The following CHKA variants were observed in gnomAD, a reference collection of about 807,000 sequenced individuals.
CHKA encodes the protein choline kinase alpha.
Under a neutral mutation model 60.1 loss-of-function variants are expected in CHKA, and 34 were observed. The observed-to-expected ratio is 0.57, with a 90% CI of 0.43 to 0.75. The LOEUF is 0.75. Among genes scored for constraint, CHKA ranks in the 30% least tolerant of loss-of-function variants. The pLI, the probability that CHKA is intolerant of heterozygous loss-of-function variation, is 0.00. For synonymous variants in CHKA, 217 were observed against 223.1 expected, an observed-to-expected ratio of 0.97 and a Z score of 0.24; for missense variants, 563 against 561.3, an observed-to-expected ratio of 1.00 and a Z score of -0.03.
intron 11 of CHKA, among the ~76,000 whole-genome samples, chr11:68,059,435 A>G (rs1856141475): frequency 6.6e-6 from 1 of 152,128 alleles, no homozygotes; most frequent in Non-Finnish European, 1.5e-5. Context: ...ATAATATATT[A>G]TCCTTTTACA....
At chr11:68,056,836 CCT>C (rs1017144997) in intron 11 of CHKA, among the ~76,000 whole-genome samples, 72 of 151,888 alleles carry the variant, frequency 4.7e-4, no homozygotes, top group African/African-American at 1.6e-3. Flanking sequence ...ACAGTGAGAC[CCT>C]GTCTTAAAAA....
At chr11:68,055,549 C>T (rs1482484618) in intron 11 of CHKA, among the ~76,000 whole-genome samples, 6 of 152,334 alleles carry the variant, frequency 3.9e-5, no homozygotes, top group Admixed American at 6.5e-5. Context: ...CCAGCAGCAG[C>T]GCATGCGCAT....
chr11:68,114,697 G>A (rs1454923499), intron 1 of CHKA, among the ~76,000 whole-genome samples: 2 of 148,168 alleles, frequency 1.3e-5, no homozygotes, highest in South Asian at 2.1e-4. Flanking sequence ...ACTCTGTCTC[G>A]GGAAAAAAAA....
intron 2 of CHKA, chr11:68,082,402 T>G (rs1857016212): frequency 6.6e-6 from 1 of 152,644 alleles, no homozygotes; most frequent in African/African-American, 2.4e-5. Context: ...TAAGTCTGCT[T>G]AAGCCAGACA....
chr11:68,087,503 A>G (rs1321840767), intron 2 of CHKA, among the ~76,000 whole-genome samples: 2 of 152,134 alleles, frequency 1.3e-5, no homozygotes, highest in African/African-American at 2.4e-5. Flanking sequence ...CAAAAAAATC[A>G]TAATATAGAA....
chr11:68,057,495 AT>A (rs926909551), intron 11 of CHKA, among the ~76,000 whole-genome samples: 11 of 151,756 alleles, frequency 7.2e-5, no homozygotes, highest in African/African-American at 2.7e-4. Context: ...AATTTTTTGT[AT>A]TTTTAGTAGA....
intron 1 of CHKA, among the ~76,000 whole-genome samples, chr11:68,101,670 GAAAA>G (rs1857731550): frequency 6.6e-6 from 1 of 150,594 alleles, no homozygotes; most frequent in African/African-American, 2.4e-5. Flanking sequence ...AAAAAGAAAA[GAAAA>G]AGAAAGAAAT....
intron 11 of CHKA, among the ~76,000 whole-genome samples, chr11:68,055,914 G>A (rs1855999103): frequency 6.6e-6 from 1 of 152,032 alleles, no homozygotes; most frequent in Non-Finnish European, 1.5e-5. Context: ...CAGGCATGGT[G>A]GTGGGCTCCT....
intron 3 of CHKA, among the ~76,000 whole-genome samples, chr11:68,079,012 A>C: frequency 6.7e-6 from 1 of 148,418 alleles, no homozygotes; most frequent in East Asian, 2.0e-4. Flanking sequence ...CGGCTCACTG[A>C]AGCCTCCGCC....
chr11:68,057,099 G>A (rs562417093), intron 11 of CHKA, among the ~76,000 whole-genome samples: 2 of 152,262 alleles, frequency 1.3e-5, no homozygotes, highest in South Asian at 4.1e-4. Flanking sequence ...CACCCATCTG[G>A]TGTCCACTCC....
intron 1 of CHKA, among the ~76,000 whole-genome samples, chr11:68,114,717 G>T (rs946716103): frequency 1.3e-5 from 2 of 150,724 alleles, no homozygotes; most frequent in Non-Finnish European, 3.0e-5. Flanking sequence ...AAAAAAAGAA[G>T]AAGAAAAGAC....
intron 1 of CHKA, among the ~76,000 whole-genome samples, chr11:68,113,072 A>C (rs1406733145): frequency 9.6e-6 from 1 of 104,440 alleles, no homozygotes; most frequent in Non-Finnish European, 1.9e-5. Flanking sequence ...ACAGAGCAAG[A>C]CTCCGTCTCA....
intron 1 of CHKA, among the ~76,000 whole-genome samples, chr11:68,116,223 C>A (rs945321761): frequency 1.3e-5 from 2 of 152,138 alleles, no homozygotes; most frequent in Non-Finnish European, 2.9e-5. Flanking sequence ...GTATCCTTCA[C>A]AAGATTTTAA....
intron 4 of CHKA, among the ~76,000 whole-genome samples, chr11:68,073,380 G>A (rs979822743): frequency 1.3e-4 from 20 of 152,050 alleles, no homozygotes; most frequent in Non-Finnish European, 1.0e-4. Flanking sequence ...TCGGCCGGGC[G>A]CGGTGGTTCA....
At chr11:68,098,271 CAA>C (rs57972693) in intron 1 of CHKA, among the ~76,000 whole-genome samples, 3 of 120,738 alleles carry the variant, frequency 2.5e-5, no homozygotes, top group African/African-American at 3.2e-5. Flanking sequence ...ACTCCTATCT[CAA>C]AAAAAAAAAA....
At chr11:68,070,011 G>C (rs530009794) in intron 6 of CHKA, among the ~76,000 whole-genome samples, 178 bp downstream of exon 6, 2 of 152,208 alleles carry the variant, frequency 1.3e-5, no homozygotes, top group Non-Finnish European at 2.9e-5. Context: ...AGTCCATAGA[G>C]TCCATAATCT....
intron 1 of CHKA, among the ~76,000 whole-genome samples, chr11:68,114,564 G>A (rs1858309965): frequency 6.6e-6 from 1 of 152,048 alleles, no homozygotes; most frequent in African/African-American, 2.4e-5. Context: ...AGGCGGGGTG[G>A]CACATGCCTG....
intron 10 of CHKA, among the ~76,000 whole-genome samples, chr11:68,063,287 C>G (rs1216436069): frequency 6.6e-6 from 1 of 151,972 alleles, no homozygotes; most frequent in African/African-American, 2.4e-5. Context: ...CCACTTGAGC[C>G]CAGGAGTTCA....
At chr11:68,100,302 G>T (rs892016639) in intron 1 of CHKA, among the ~76,000 whole-genome samples, 1 of 152,168 alleles carries the variant, frequency 6.6e-6, no homozygotes, top group Non-Finnish European at 1.5e-5. Flanking sequence ...AGATATGAGA[G>T]GCATGGGCTG....
Sources: gnomAD v4.1 joint callset for allele counts (sites outside exome capture counted in the v4.1 genomes callset) on GRCh38, gnomAD v4.1.1 for gene constraint, MANE v1.5 for transcripts, NCBI Gene and HGNC (gene_info 2026-07-23, HGNC 2026-07-21) for gene names.